Variants in EYA3 observed in about 807,000 individuals in gnomAD.
The protein encoded by EYA3 is EYA transcriptional coactivator and phosphatase 3.
EYA3 carries 39 observed loss-of-function variants against 80.0 expected under a neutral mutation model. The ratio of observed to expected loss-of-function variants is 0.49; its 90% CI spans 0.38 to 0.64. The LOEUF (loss-of-function observed/expected upper bound fraction) is 0.64. EYA3 is among the 30% of genes least tolerant of loss of function. The pLI is 0.00. For synonymous variants in EYA3, 206 were observed against 232.8 expected (o/e 0.88, Z 1.05); for missense variants, 523 against 676.1 (o/e 0.77, Z 2.51).
In EYA3 at chr1:27,970,720, A is replaced by G. The variant is rs767000077; in HGVS notation, c.*3746T>C. 1 of 152,192 alleles carries G rather than the reference A, an allele frequency of 6.6e-6. No individual in the cohort carries two copies. Among genetic ancestry groups the G allele is most frequent in the African/African-American group, 2.4e-5 (1 of 41,434 alleles). The allele number at this position is 152,192 out of a possible 1,614,324, so 9.4% of individuals were successfully genotyped here. Reference sequence around the variant, plus strand: ...TCGGAATTCAGATCCTATAGTGTGAATATCTGGGGAGTTCTAACTTCTGGA... The same window carrying G: ...TCGGAATTCAGATCCTATAGTGTGAGTATCTGGGGAGTTCTAACTTCTGGA... On this transcript the variant is annotated 3_prime_UTR_variant, in exon 18 of 18. Transcript: ENST00000373871.
intron 8 of EYA3, among the ~76,000 whole-genome samples, chr1:28,014,753 T>C (rs974548709): frequency 6.6e-6 from 1 of 151,166 alleles, no homozygotes; most frequent in Admixed American, 6.6e-5. Context: ...TTTCTTAAAA[T>C]ATTGGGATAA....
chr1:28,062,336 T>G (rs1369817824), intron 1 of EYA3, among the ~76,000 whole-genome samples: 2 of 152,136 alleles, frequency 1.3e-5, no homozygotes, highest in Admixed American at 1.3e-4. Context: ...AGTGAAAAAA[T>G]AGAAACTTTG....
At chr1:27,991,557 T>C (rs1487983449) in intron 14 of EYA3, among the ~76,000 whole-genome samples, 1 of 152,204 alleles carries the variant, frequency 6.6e-6, no homozygotes, top group Non-Finnish European at 1.5e-5. Context: ...CTATTAGTAA[T>C]ACTCCATAAA....
At chr1:27,991,870 G>A (rs902680665) in intron 14 of EYA3, among the ~76,000 whole-genome samples, 9 of 151,966 alleles carry the variant, frequency 5.9e-5, no homozygotes, top group Non-Finnish European at 1.2e-4. Context: ...CATTGGGCAG[G>A]GAAAAGATAA....
intron 6 of EYA3, among the ~76,000 whole-genome samples, chr1:28,033,438 T>G (rs1347131772): frequency 1.3e-5 from 2 of 152,026 alleles, no homozygotes; most frequent in Non-Finnish European, 2.9e-5. Context: ...AAAGTCAAAT[T>G]TAAGCTAATG....
In EYA3 at chr1:28,035,670, G is replaced by T; in HGVS notation, c.235C>A (p.His79Asn). The part of the protein sequence containing the change: ...SQMYSAKPYA[H>N]ILSVPVSETA... Reference sequence around the variant, plus strand: ...TCCGAAACAGGAACTGAGAGAATATGTGCATAAGGTCTGGAAAATTTCATG... The same window carrying T: ...TCCGAAACAGGAACTGAGAGAATATTTGCATAAGGTCTGGAAAATTTCATG... The change falls in exon 6 of 18, where the codon CAT becomes AAT. Residue 79 changes from histidine to asparagine, a missense_variant. Transcript: ENST00000373871. 1.2e-6 allele frequency: 2 copies of T among 1,609,434 alleles called. No homozygotes were observed. The highest frequency in any genetic ancestry group is 4.5e-5 in the East Asian group (2 of 44,868).
At chr1:28,052,186 T>C (rs150493508) in intron 2 of EYA3, among the ~76,000 whole-genome samples, 78 of 152,216 alleles carry the variant, frequency 5.1e-4, no homozygotes, top group African/African-American at 1.8e-3. Context: ...TTTTTTTGTA[T>C]GTTTAACGGA....
chr1:28,059,925 G>A (rs1644563288), intron 1 of EYA3, among the ~76,000 whole-genome samples: 2 of 151,892 alleles, frequency 1.3e-5, no homozygotes, highest in Admixed American at 6.6e-5. Flanking sequence ...TGCCATGTTG[G>A]CCAGCCTGGT....
chr1:28,021,137 C>G (rs536527319), intron 7 of EYA3, among the ~76,000 whole-genome samples: 2 of 152,212 alleles, frequency 1.3e-5, no homozygotes, highest in Non-Finnish European at 2.9e-5. Flanking sequence ...ACCCACCTCT[C>G]TAATTTTAGA....
At chr1:27,985,769 A>AG (rs1299574870) in intron 16 of EYA3, among the ~76,000 whole-genome samples, 1 of 151,900 alleles carries the variant, frequency 6.6e-6, no homozygotes, top group Non-Finnish European at 1.5e-5. Flanking sequence ...TTTAGTAGAG[A>AG]GGGGGTTTCA....
intron 6 of EYA3, among the ~76,000 whole-genome samples, chr1:28,029,038 G>A (rs1159466863): frequency 6.6e-6 from 1 of 152,184 alleles, no homozygotes; most frequent in Non-Finnish European, 1.5e-5. Flanking sequence ...TATACATAGT[G>A]TACATAATTT....
intron 3 of EYA3, among the ~76,000 whole-genome samples, chr1:28,046,666 T>C (rs1278441979): frequency 6.6e-6 from 1 of 152,156 alleles, no homozygotes; most frequent in Non-Finnish European, 1.5e-5. Flanking sequence ...TAGCACAATT[T>C]TGTGTTTTTC....
chr1:28,065,464 G>T (rs1220112784), intron 1 of EYA3, among the ~76,000 whole-genome samples: 1 of 151,676 alleles, frequency 6.6e-6, no homozygotes, highest in African/African-American at 2.4e-5. Context: ...GTAGAGACGG[G>T]GTTTCAGCAT....
At position 28,051,660 on chromosome 1, in the gene EYA3, C is replaced by T. The variant is rs1644254802; in HGVS notation, c.34-3234G>A. Among the ~76,000 whole-genome samples the T allele has an allele frequency of 5.3e-5, 8 of 152,298 alleles. No homozygotes were observed. The South Asian group carries it at 1.7e-3, about 32-fold the overall frequency. ...TGAGATTGCACCACTGCACTCCAGC[C>T]TGGGTGACAAGGCAAGACTCTGTCT... On this transcript the variant is annotated intron_variant, in intron 2 of 17. Transcript: ENST00000373871.
chr1:28,032,237 T>C (rs1231478184), intron 6 of EYA3: 1 of 152,238 alleles, frequency 6.6e-6, no homozygotes, highest in South Asian at 2.1e-4. Flanking sequence ...TTTTTGCTAT[T>C]ACATATTGCT....
intron 12 of EYA3, 114 bp downstream of exon 12, chr1:27,999,846 C>A (rs1640708052): frequency 4.3e-6 from 3 of 701,084 alleles, no homozygotes; most frequent in Non-Finnish European, 6.9e-6. Flanking sequence ...GCCAGCTGGC[C>A]TCTCCATATC....
At chr1:28,036,750 C>A (rs1201555590) in intron 5 of EYA3, among the ~76,000 whole-genome samples, 1 of 152,102 alleles carries the variant, frequency 6.6e-6, no homozygotes, top group Non-Finnish European at 1.5e-5. Context: ...TACCAATTAT[C>A]TCATTTGGTG....
At chr1:28,040,793 T>C (rs1643729304) in intron 4 of EYA3, among the ~76,000 whole-genome samples, 1 of 142,400 alleles carries the variant, frequency 7.0e-6, no homozygotes, top group Non-Finnish European at 1.5e-5. Context: ...AGTTCTGATA[T>C]GTCACAGAAC....
intron 11 of EYA3, among the ~76,000 whole-genome samples, chr1:28,003,329 C>T (rs191925604): frequency 2.6e-5 from 4 of 151,790 alleles, no homozygotes; most frequent in African/African-American, 9.7e-5. Flanking sequence ...ATTAGCCAGG[C>T]ATGGTAACGG....
Sources: allele counts gnomAD v4.1 joint callset (sites outside exome capture counted in the v4.1 genomes callset), GRCh38; gene constraint gnomAD v4.1.1; transcripts MANE v1.5; gene names NCBI Gene and HGNC (gene_info 2026-07-23, HGNC 2026-07-21).